Variants in TMEM185A observed in about 807,000 individuals in gnomAD.
TMEM185A encodes the protein family with sequence similarity 11, member A.
TMEM185A carries 9 observed loss-of-function variants against 25.0 expected under a neutral mutation model. That is an observed-to-expected ratio of 0.36 (90% CI 0.22 to 0.63). The LOEUF (loss-of-function observed/expected upper bound fraction) is 0.63. Among genes scored for constraint, TMEM185A ranks in the 20% least tolerant of loss-of-function variants. TMEM185A has a pLI of 0.68. For synonymous variants in TMEM185A, 45 were observed against 93.5 expected, an observed-to-expected ratio of 0.48 and a Z score of 2.99; for missense variants, 103 against 237.4, an observed-to-expected ratio of 0.43 and a Z score of 3.72.
chrX:149,627,039 T>G (rs782370414), intron 1 of TMEM185A, among the ~76,000 whole-genome samples: 1 of 111,633 alleles, frequency 9.0e-6, no homozygotes, highest in Non-Finnish European at 1.9e-5. Context: ...TTATCTCAAC[T>G]GCAAAGAGGC....
chrX:149,608,378 T>G, intron 3 of TMEM185A: 1 of 264,498 alleles, frequency 3.8e-6, no homozygotes, highest in Non-Finnish European at 6.6e-6. Context: ...TCACCCAGGC[T>G]GGAGTGCAAT....
chrX:149,608,592 A>C lies in TMEM185A; in HGVS notation c.423+35T>G, dbSNP rs372724390. ...GTGATCCACCTGCCTTGACCTCCCAAAGTGGAAAACATTCTTAAATATATG... is the reference window on the plus strand; with the variant it reads ...GTGATCCACCTGCCTTGACCTCCCACAGTGGAAAACATTCTTAAATATATG... On this transcript the variant is annotated intron_variant, in intron 3 of 6. Coordinates refer to ENST00000600449, the MANE Select transcript of TMEM185A (RefSeq NM_032508.4). 36 of 1,198,863 alleles carry C rather than the reference A, an allele frequency of 3.0e-5. No homozygotes were observed. The African/African-American group carries it at 6.0e-4, about 20-fold the overall frequency.
intron 3 of TMEM185A, among the ~76,000 whole-genome samples, chrX:149,604,905 G>C (rs1170156903): frequency 3.6e-5 from 4 of 111,110 alleles, no homozygotes; most frequent in Non-Finnish European, 7.6e-5. Context: ...TACAGTCTTG[G>C]AGCCCTCTGG....
At chrX:149,603,860 GTGGGAT>G (rs782723427) in intron 4 of TMEM185A, 121 bp downstream of exon 4, 12 of 491,091 alleles carry the variant, frequency 2.4e-5, no homozygotes, top group Admixed American at 1.7e-4. Context: ...TCTCCCCATG[GTGGGAT>G]TATGGGTGAC....
intron 1 of TMEM185A, among the ~76,000 whole-genome samples, chrX:149,628,531 A>G (rs2090175379): frequency 8.9e-6 from 1 of 112,275 alleles, no homozygotes; most frequent in Admixed American, 9.4e-5. Flanking sequence ...GTCAGCTGGC[A>G]GCCCTGTACA....
At chrX:149,620,695 G>A (rs1168540837) in intron 1 of TMEM185A, among the ~76,000 whole-genome samples, 2 of 111,577 alleles carry the variant, frequency 1.8e-5, no homozygotes, top group African/African-American at 6.5e-5. Flanking sequence ...ACCTGGAAAG[G>A]GTCTCAAGGC....
intron 1 of TMEM185A, among the ~76,000 whole-genome samples, chrX:149,613,262 A>C (rs534613): frequency 0.022 from 2,449 of 112,444 alleles, 68 homozygotes; most frequent in African/African-American, 0.075. Flanking sequence ...CAGTGTAATC[A>C]CATAAGCCCT....
At chrX:149,615,786 A>C (rs1204694699) in intron 1 of TMEM185A, among the ~76,000 whole-genome samples, 2 of 112,480 alleles carry the variant, frequency 1.8e-5, no homozygotes, top group Non-Finnish European at 3.8e-5. Flanking sequence ...ACAAATATAA[A>C]ACACTTAGGG....
At chrX:149,619,869 A>G (rs1344887428) in intron 1 of TMEM185A, among the ~76,000 whole-genome samples, 3 of 111,949 alleles carry the variant, frequency 2.7e-5, no homozygotes, top group Non-Finnish European at 3.8e-5. Flanking sequence ...TCCATGGTGT[A>G]TATGTGCCAC....
chrX:149,623,814 ATCAG>A (rs2090151014), intron 1 of TMEM185A, among the ~76,000 whole-genome samples: 1 of 112,401 alleles, frequency 8.9e-6, no homozygotes, highest in African/African-American at 3.2e-5. Flanking sequence ...AAGTAATACA[ATCAG>A]TAAGTTCAAA....
At chrX:149,605,138 C>T (rs1557353100) in intron 3 of TMEM185A, 1 of 113,058 alleles carries the variant, frequency 8.8e-6, no homozygotes, top group African/African-American at 3.2e-5. Context: ...CTGTCTCCAA[C>T]TTAGCCTTCC....
intron 1 of TMEM185A, among the ~76,000 whole-genome samples, chrX:149,622,060 T>C (rs1311229085): frequency 8.9e-6 from 1 of 112,186 alleles, no homozygotes; most frequent in African/African-American, 3.2e-5. Flanking sequence ...GCTTCCTAGA[T>C]TAAGAAAGTA....
At chrX:149,609,921 A>G (rs1057145616) in intron 2 of TMEM185A, among the ~76,000 whole-genome samples, 13 of 111,821 alleles carry the variant, frequency 1.2e-4, no homozygotes, top group African/African-American at 3.9e-4. Flanking sequence ...TTAATATTAG[A>G]TATCTGAAAA....
rs782664770 is a variant in TMEM185A at position 149,611,303 on chromosome X, G to A, written c.199C>T (p.Arg67Ter). 1 of 1,208,446 alleles carries A rather than the reference G, an allele frequency of 8.3e-7. No individual in the cohort carries two copies. ...GASVGTGVWARNPQYRAEGET... is the reference protein window; with the variant it reads ...GASVGTGVWA ...CAGTATTACCGATATTGAGGATTTC[G>A]TGCCCAGACTCCAGTTCCAACTGAG... is the stretch of plus-strand genomic sequence containing the variant. Residue 67 changes from arginine (R) to a stop codon, truncating the protein, a stop_gained, in exon 2 of 7, where the codon CGA becomes TGA. Coordinates refer to ENST00000600449, the MANE Select transcript of TMEM185A (RefSeq NM_032508.4). LOFTEE classifies it high-confidence loss of function.
At chrX:149,612,111 A>G (rs1333160125) in intron 1 of TMEM185A, among the ~76,000 whole-genome samples, 5 of 112,488 alleles carry the variant, frequency 4.4e-5, no homozygotes, top group African/African-American at 1.6e-4. Flanking sequence ...ATAATTAGAA[A>G]TTATACTCTT....
intron 3 of TMEM185A, among the ~76,000 whole-genome samples, chrX:149,608,031 C>G (rs2090061388): frequency 1.8e-5 from 2 of 111,908 alleles, no homozygotes; most frequent in Admixed American, 1.9e-4. Context: ...CTGGAGATTT[C>G]AGACTTGCCA....
intron 3 of TMEM185A, among the ~76,000 whole-genome samples, chrX:149,606,032 TAGTA>T (rs1411941561): frequency 1.8e-5 from 2 of 112,215 alleles, no homozygotes; most frequent in Admixed American, 9.4e-5. Flanking sequence ...ACATCTAACT[TAGTA>T]AGTATTTCTA....
At chrX:149,620,706 C>G (rs1424109926) in intron 1 of TMEM185A, among the ~76,000 whole-genome samples, 1 of 111,839 alleles carries the variant, frequency 8.9e-6, no homozygotes, top group African/African-American at 3.3e-5. Context: ...GTCTCAAGGC[C>G]CACTCCCAAG....
At chrX:149,618,710 AT>A (rs1300494558) in intron 1 of TMEM185A, among the ~76,000 whole-genome samples, 7 of 112,075 alleles carry the variant, frequency 6.2e-5, no homozygotes, top group African/African-American at 2.3e-4. Flanking sequence ...TATTCAAAAA[AT>A]ATCTACTCTT....
Sources: allele counts gnomAD v4.1 joint callset (sites outside exome capture counted in the v4.1 genomes callset), GRCh38; gene constraint gnomAD v4.1.1; transcripts MANE v1.5; gene names NCBI Gene and HGNC (gene_info 2026-07-23, HGNC 2026-07-21).